Variants in GBE1 observed in about 807,000 individuals in gnomAD.
The protein encoded by GBE1 is 1,4-alpha-glucan-branching enzyme.
Under a neutral mutation model 88.8 loss-of-function variants are expected in GBE1, and 70 were observed. The observed-to-expected ratio is 0.79, with a 90% CI of 0.65 to 0.96. The LOEUF (loss-of-function observed/expected upper bound fraction) is 0.96. GBE1 is among the 40% of genes least tolerant of loss of function. GBE1 has a pLI of 0.00. For missense variants in GBE1, 872 were observed against 871.0 expected (o/e 1.00, Z -0.01); for synonymous variants, 284 against 300.1 (o/e 0.95, Z 0.56).
At chr3:81,652,306 T>C (rs906909720) in intron 3 of GBE1, among the ~76,000 whole-genome samples, 2 of 152,238 alleles carry the variant, frequency 1.3e-5, no homozygotes, top group African/African-American at 2.4e-5. Flanking sequence ...TTCTCTGTTC[T>C]AGGAGTCCTG....
intron 7 of GBE1, among the ~76,000 whole-genome samples, chr3:81,642,183 A>T (rs973846661): frequency 3.3e-5 from 5 of 151,994 alleles, no homozygotes; most frequent in African/African-American, 1.2e-4. Flanking sequence ...TTTCAACACT[A>T]AGCCTTAGTT....
At chr3:81,507,994 A>G (rs758139636) in intron 14 of GBE1, among the ~76,000 whole-genome samples, 4 of 152,190 alleles carry the variant, frequency 2.6e-5, no homozygotes, top group Non-Finnish European at 4.4e-5. Flanking sequence ...CAAAATAGCA[A>G]TAAGACAAGC....
chr3:81,622,758 GC>G (rs1398034124), intron 7 of GBE1, among the ~76,000 whole-genome samples: 1 of 152,050 alleles, frequency 6.6e-6, no homozygotes, highest in African/African-American at 2.4e-5. Context: ...ATTTTCAGAG[GC>G]CTTTTTACCT....
At chr3:81,515,820 G>C (rs901692673) in intron 14 of GBE1, among the ~76,000 whole-genome samples, 6 of 151,612 alleles carry the variant, frequency 4.0e-5, no homozygotes, top group African/African-American at 1.5e-4. Context: ...TTGGTGGTCT[G>C]GATCTAAGAT....
intron 15 of GBE1, among the ~76,000 whole-genome samples, chr3:81,496,034 T>C (rs1393704706): frequency 3.3e-5 from 5 of 152,170 alleles, no homozygotes; most frequent in Non-Finnish European, 7.4e-5. Context: ...TGCTATGGAA[T>C]TTGGTTTTAT....
At chr3:81,554,735 C>T (rs1188381377) in intron 12 of GBE1, among the ~76,000 whole-genome samples, 4 of 152,178 alleles carry the variant, frequency 2.6e-5, no homozygotes, top group Admixed American at 1.3e-4. Context: ...TAATTGAATA[C>T]TGGTATCATT....
At chr3:81,634,091 C>T (rs1378148935) in intron 7 of GBE1, among the ~76,000 whole-genome samples, 1 of 152,142 alleles carries the variant, frequency 6.6e-6, no homozygotes, top group East Asian at 1.9e-4. Flanking sequence ...CAGAGGAGAT[C>T]CGTTTGCCAG....
At chr3:81,544,624 A>C (rs1426187299) in intron 12 of GBE1, among the ~76,000 whole-genome samples, 1 of 152,176 alleles carries the variant, frequency 6.6e-6, no homozygotes, top group Non-Finnish European at 1.5e-5. Flanking sequence ...TGCTATAGTT[A>C]ATGATTCTAA....
intron 1 of GBE1, among the ~76,000 whole-genome samples, chr3:81,741,015 C>T (rs1363654473): frequency 6.6e-6 from 1 of 152,124 alleles, no homozygotes; most frequent in East Asian, 1.9e-4. Context: ...AGTCATACAG[C>T]ACCAAATCTG....
intron 3 of GBE1, among the ~76,000 whole-genome samples, chr3:81,660,354 CTAAA>C (rs1705007288): frequency 6.6e-6 from 1 of 152,108 alleles, no homozygotes; most frequent in African/African-American, 2.4e-5. Flanking sequence ...TCAGATATAT[CTAAA>C]TATTTAAACA....
At chr3:81,683,218 T>C (rs1705376923) in intron 2 of GBE1, among the ~76,000 whole-genome samples, 1 of 152,220 alleles carries the variant, frequency 6.6e-6, no homozygotes, top group African/African-American at 2.4e-5. Flanking sequence ...CACTTTAAAA[T>C]GGTGAGCTGT....
At chr3:81,717,001 T>C (rs1046828737) in intron 1 of GBE1, among the ~76,000 whole-genome samples, 4 of 152,202 alleles carry the variant, frequency 2.6e-5, no homozygotes, top group South Asian at 2.1e-4. Flanking sequence ...TGTCAAGTAT[T>C]GTCCCAAGCA....
At chr3:81,675,168 T>C (rs924087869) in intron 2 of GBE1, among the ~76,000 whole-genome samples, 1 of 152,072 alleles carries the variant, frequency 6.6e-6, no homozygotes, top group Non-Finnish European at 1.5e-5. Context: ...GTTAAATTGA[T>C]GTGTTTGCGT....
intron 1 of GBE1, among the ~76,000 whole-genome samples, chr3:81,758,069 G>A (rs1706627653): frequency 6.6e-6 from 1 of 152,160 alleles, no homozygotes; most frequent in South Asian, 2.1e-4. Context: ...AAATTATCAT[G>A]AAGTTGTCTG....
chr3:81,598,238 T>C (rs1418790078), intron 7 of GBE1, among the ~76,000 whole-genome samples: 3 of 151,928 alleles, frequency 2.0e-5, no homozygotes, highest in African/African-American at 7.2e-5. Context: ...ATCAAAAAAA[T>C]ATAAAGGAAA....
chr3:81,663,168 A>G (rs1028273035), intron 3 of GBE1, among the ~76,000 whole-genome samples: 7 of 152,178 alleles, frequency 4.6e-5, no homozygotes, highest in Admixed American at 2.6e-4. Context: ...CTCCACTCTC[A>G]TGGACCTAGG....
At chr3:81,644,780 C>G (rs991181822) in intron 6 of GBE1, among the ~76,000 whole-genome samples, 3 of 152,100 alleles carry the variant, frequency 2.0e-5, no homozygotes, top group African/African-American at 7.2e-5. Context: ...TGAAATAACC[C>G]AGGTAAAAGA....
At chr3:81,504,506 G>GTT (rs528353225) in intron 14 of GBE1, among the ~76,000 whole-genome samples, 1 of 146,634 alleles carries the variant, frequency 6.8e-6, no homozygotes, top group East Asian at 2.0e-4. Flanking sequence ...TTTTTTAATA[G>GTT]TTTTTTTTTT....
intron 1 of GBE1, among the ~76,000 whole-genome samples, chr3:81,760,099 C>T (rs1027028020): frequency 6.6e-6 from 1 of 152,156 alleles, no homozygotes; most frequent in Admixed American, 6.5e-5. Flanking sequence ...ACTGTAAATT[C>T]TGAAAACAAT....
Sources: allele counts gnomAD v4.1 joint callset (sites outside exome capture counted in the v4.1 genomes callset), GRCh38; gene constraint gnomAD v4.1.1; transcripts MANE v1.5; gene names NCBI Gene and HGNC (gene_info 2026-07-23, HGNC 2026-07-21).